GAB3: variants seen among roughly 807,000 people sequenced by gnomAD.
GAB3 encodes GRB2 associated binding protein 3.
Under a neutral mutation model 40.4 loss-of-function variants are expected in GAB3, and 12 were observed. That is an observed-to-expected ratio of 0.30 (90% CI 0.19 to 0.48). GAB3 has a LOEUF of 0.48. Ranked by LOEUF, GAB3 falls within the 20% of genes least tolerant of loss-of-function variation. GAB3 has a pLI of 0.99. For missense variants in GAB3, 381 were observed against 461.9 expected (o/e 0.82, Z 1.61); for synonymous variants, 154 against 176.7 (o/e 0.87, Z 1.02).
In GAB3 at chrX:154,749,391, C is replaced by A. The variant is rs782671164; in HGVS notation, c.72+1563G>T. On this transcript the variant is annotated intron_variant, in intron 1 of 9. Transcript: ENST00000424127. ...TGAACCTTTAAAATGTCTGTCATTC[C>A]AAAGGACAACAAGGAAACCCATCCT... is the stretch of plus-strand genomic sequence containing the variant. Among the ~76,000 whole-genome samples, 19 of 112,769 alleles carry A rather than the reference C, an allele frequency of 1.7e-4. No homozygotes were observed. In the Middle Eastern group the frequency reaches 0.018, roughly 109 times the overall value.
chrX:154,688,826 T>C (rs993231801), intron 8 of GAB3, among the ~76,000 whole-genome samples: 1 of 111,456 alleles, frequency 9.0e-6, no homozygotes, highest in Non-Finnish European at 1.9e-5. Context: ...AATCTAGTAA[T>C]ACCAGAGGTA....
At chrX:154,726,357 T>C (rs1569558021) in intron 1 of GAB3, among the ~76,000 whole-genome samples, 1 of 111,436 alleles carries the variant, frequency 9.0e-6, no homozygotes, top group African/African-American at 3.3e-5. Context: ...GAAGCACAGA[T>C]AGAAAAGCCT....
At chrX:154,733,905 A>G (rs782612023) in intron 1 of GAB3, among the ~76,000 whole-genome samples, 4 of 112,195 alleles carry the variant, frequency 3.6e-5, no homozygotes, top group Non-Finnish European at 7.5e-5. Context: ...TAATTATCTG[A>G]CAATAACTTT....
At chrX:154,708,206 C>G (rs1008982310) in intron 4 of GAB3, among the ~76,000 whole-genome samples, 1 of 111,622 alleles carries the variant, frequency 9.0e-6, no homozygotes, top group Non-Finnish European at 1.9e-5. Flanking sequence ...TTTCTTATAC[C>G]ATATACAAAA....
At chrX:154,688,687 C>T (rs2070498579) in intron 8 of GAB3, among the ~76,000 whole-genome samples, 2 of 111,812 alleles carry the variant, frequency 1.8e-5, no homozygotes, top group South Asian at 7.4e-4. Context: ...AGATACTCCA[C>T]CAAAGAAAAT....
chrX:154,712,450 G>A lies in GAB3; in HGVS notation c.848C>T (p.Ser283Phe). 1 of 1,210,394 alleles carries A rather than the reference G, an allele frequency of 8.3e-7. No individual in the cohort carries two copies. The highest frequency in any genetic ancestry group is 1.1e-6 in the Non-Finnish European group (1 of 894,553). The change falls in exon 4 of 10, where the codon TCC (serine) becomes TTC (phenylalanine). Residue 283 changes from serine (S) to phenylalanine (F), a missense_variant. Ser to Phe is a radical substitution (Grantham distance 155). Around this residue, in one of 2 missense-constraint regions of GAB3, gnomAD observed 364 missense variants for 421.0 expected, o/e 0.86. Transcript: ENST00000424127. Reference sequence around the variant, plus strand: ...TTGATTTTTATCTACCTGAATGGTGGAACTTAAGGAACTTTCCAGCAATGG... The same window carrying A: ...TTGATTTTTATCTACCTGAATGGTGAAACTTAAGGAACTTTCCAGCAATGG... ...SSPLLESSLS[S>F]TIQVDKNQGS...
chrX:154,696,747 GA>G (rs1282519939), intron 7 of GAB3, among the ~76,000 whole-genome samples: 5 of 112,580 alleles, frequency 4.4e-5, no homozygotes, highest in African/African-American at 1.6e-4. Context: ...AATTGGCACT[GA>G]AAAAGAGCCC....
chrX:154,683,126 C>A (rs1424160111), intron 8 of GAB3, among the ~76,000 whole-genome samples: 2 of 112,148 alleles, frequency 1.8e-5, no homozygotes, highest in Admixed American at 1.9e-4. Flanking sequence ...TACTTACGAG[C>A]GAAAGACCAA....
At chrX:154,721,227 T>TA (rs2071127538) in intron 1 of GAB3, among the ~76,000 whole-genome samples, 1 of 112,591 alleles carries the variant, frequency 8.9e-6, no homozygotes, top group Admixed American at 9.3e-5. Context: ...AATGAAGACA[T>TA]AAAAATGTCT....
chrX:154,724,907 A>C (rs1000060258), intron 1 of GAB3, among the ~76,000 whole-genome samples: 1 of 110,985 alleles, frequency 9.0e-6, no homozygotes, highest in African/African-American at 3.3e-5. Context: ...CCGCCCCCCC[A>C]AATTCATATG....
At chrX:154,689,498 AT>A (rs2070516988) in intron 8 of GAB3, among the ~76,000 whole-genome samples, 4 of 110,432 alleles carry the variant, frequency 3.6e-5, no homozygotes, top group Non-Finnish European at 7.6e-5. Context: ...AGACGACATG[AT>A]TGTATATCTA....
At position 154,713,302 on chromosome X, in the gene GAB3, T is replaced by C. The variant is rs1317801305; in HGVS notation, c.501A>G (p.Val167=). The change falls in exon 3 of 10, where the codon GTA becomes GTG. Residue 167 remains valine, a synonymous_variant. Transcript: ENST00000424127. ...ACTCACTTCTGGTTTCCTCAGTGGCTACGGCATTAGTGTTTGGGTCATCTC... is the reference window on the plus strand; with the variant it reads ...ACTCACTTCTGGTTTCCTCAGTGGCCACGGCATTAGTGTTTGGGTCATCTC... ...LPRDDPNTNA[V]ATEETRSESE... is the part of the protein sequence containing the mutation. The C allele has an allele frequency of 8.3e-7, 1 of 1,208,360 alleles. No homozygotes were observed. The highest frequency in any genetic ancestry group is 2.2e-5 in the Admixed American group (1 of 45,684).
At chrX:154,709,243 T>C (rs782319462) in intron 4 of GAB3, among the ~76,000 whole-genome samples, 1 of 111,219 alleles carries the variant, frequency 9.0e-6, no homozygotes, top group East Asian at 2.8e-4. Flanking sequence ...CCATGCTTCC[T>C]GTACAGCCTG....
intron 5 of GAB3, 119 bp from the exon 6 acceptor site, chrX:154,699,632 T>A: frequency 1.7e-6 from 1 of 582,597 alleles, no homozygotes; most frequent in South Asian, 3.1e-5. Context: ...AACTCTGAAC[T>A]TCCTCAGCAA....
At position 154,676,041 on chromosome X, in the gene GAB3, G is replaced by T. The variant is rs2070291851; in HGVS notation, c.*2137C>A. On this transcript the variant is annotated 3_prime_UTR_variant, in exon 10 of 10. Transcript: ENST00000424127. Reference sequence around the variant, plus strand: ...GCCTTCCATACCTTTAATGTAGAGAGTGCCTATTCAGAGCATTCCATTTTT... The same window carrying T: ...GCCTTCCATACCTTTAATGTAGAGATTGCCTATTCAGAGCATTCCATTTTT... 8.9e-6 allele frequency: 1 copy of T among 111,815 alleles called. No homozygotes were observed. The highest frequency in any genetic ancestry group is 2.8e-4 in the East Asian group (1 of 3,593). 9.2% of individuals were successfully genotyped at this position (111,815 alleles called of 1,213,427 possible). A position where few individuals can be genotyped will look rare whatever the true frequency, so the allele number is the denominator to read the frequency against.
intron 1 of GAB3, among the ~76,000 whole-genome samples, chrX:154,717,972 G>A (rs111890359): frequency 8.9e-6 from 1 of 111,734 alleles, no homozygotes; most frequent in South Asian, 3.8e-4. Flanking sequence ...ACGGCTGACC[G>A]CAGGGAGATT....
chrX:154,721,409 G>A (rs1469076850), intron 1 of GAB3, among the ~76,000 whole-genome samples: 1 of 112,372 alleles, frequency 8.9e-6, no homozygotes, highest in Non-Finnish European at 1.9e-5. Context: ...TCACCCCATA[G>A]CAGAAGGCAG....
chrX:154,741,771 C>A (rs781878899), intron 1 of GAB3, among the ~76,000 whole-genome samples: 1 of 110,487 alleles, frequency 9.1e-6, no homozygotes, highest in South Asian at 3.8e-4. Context: ...ACAATCATGG[C>A]AGAAGGCAAA....
chrX:154,680,960 C>T (rs933139048), intron 8 of GAB3, among the ~76,000 whole-genome samples: 4 of 112,108 alleles, frequency 3.6e-5, no homozygotes, highest in African/African-American at 1.3e-4. Context: ...CCCTATTTCA[C>T]TCATTTGCAG....
Sources: gnomAD v4.1 joint callset for allele counts (sites outside exome capture counted in the v4.1 genomes callset) on GRCh38, gnomAD v4.1.1 for gene constraint, gnomAD v4.1.1 regional missense constraint, MANE v1.5 for transcripts, NCBI Gene and HGNC (gene_info 2026-07-23, HGNC 2026-07-21) for gene names.